Variants in PBX1 observed in about 807,000 individuals in gnomAD.
PBX1 encodes the protein pre-B-cell leukemia transcription factor 1.
In PBX1, 6 loss-of-function variants were observed where a neutral mutation model predicts 53.4. The ratio of observed to expected loss-of-function variants is 0.11; its 90% confidence interval spans 0.06 to 0.22. The LOEUF (loss-of-function observed/expected upper bound fraction) is 0.22. Ranked by LOEUF, PBX1 falls within the 10% of genes least tolerant of loss-of-function variation. The pLI, the probability that PBX1 is intolerant of heterozygous loss-of-function variation, is 1.00. For synonymous variants in PBX1, 204 were observed against 212.3 expected (o/e 0.96, Z 0.34); for missense variants, 251 against 551.4 (o/e 0.46, Z 5.46).
At chr1:164,843,489 G>A (rs1475804536) in intron 8 of PBX1, among the ~76,000 whole-genome samples, 1 of 152,080 alleles carries the variant, frequency 6.6e-6, no homozygotes, top group African/African-American at 2.4e-5. Flanking sequence ...AACTGGGATG[G>A]ATGGTCACCA....
At chr1:164,563,180 T>C in intron 1 of PBX1, 58 bp from the exon 2 acceptor site, 1 of 1,173,862 alleles carries the variant, frequency 8.5e-7, no homozygotes, top group South Asian at 1.3e-5. Context: ...CCCTGTGCAT[T>C]ATCGGCAGTT....
intron 2 of PBX1, among the ~76,000 whole-genome samples, chr1:164,614,391 T>C (rs1038047595): frequency 6.6e-6 from 1 of 152,186 alleles, no homozygotes; most frequent in African/African-American, 2.4e-5. Flanking sequence ...TCTGAATTTC[T>C]GGTTCACTCC....
intron 2 of PBX1, among the ~76,000 whole-genome samples, chr1:164,745,545 T>G (rs1340326771): frequency 6.6e-6 from 1 of 152,208 alleles, no homozygotes; most frequent in Non-Finnish European, 1.5e-5. Context: ...GTAAAGTGAT[T>G]TGAGGTCTTC....
chr1:164,800,549 A>G (rs2102321482), intron 4 of PBX1, among the ~76,000 whole-genome samples: 1 of 152,300 alleles, frequency 6.6e-6, no homozygotes, highest in African/African-American at 2.4e-5. Context: ...GAAGACAAGA[A>G]CTGAGAACAC....
intron 2 of PBX1, among the ~76,000 whole-genome samples, chr1:164,781,329 C>T (rs1667923590): frequency 1.3e-5 from 2 of 152,136 alleles, no homozygotes; most frequent in Non-Finnish European, 2.9e-5. Context: ...AAGTAGGGTG[C>T]ATTGGGATCT....
Position 164,559,879 on chromosome 1 carries a change from C to A in PBX1, c.57C>A (p.His19Gln), listed in dbSNP as rs763090532. 8 of 1,550,680 alleles carry A rather than the reference C, an allele frequency of 5.2e-6. No homozygotes were observed. The highest frequency in any genetic ancestry group is 7.0e-6 in the Non-Finnish European group (8 of 1,146,800). The stretch of plus-strand genomic sequence containing the variant: ...ATGCTGGGGTCGGGATGGCCGGACA[C>A]CCCGGCCTGTCCCAGCACTTGCAGG... ...HSHAGVGMAG[H>Q]PGLSQHLQDG... Residue 19 changes from histidine to glutamine, a missense_variant, in exon 1 of 9, where the codon CAC (histidine) becomes CAA (glutamine). Coordinates refer to ENST00000420696, the MANE Select transcript of PBX1 (RefSeq NM_002585.4).
intron 2 of PBX1, among the ~76,000 whole-genome samples, chr1:164,727,216 T>TTATATATATATA (rs1306226511): frequency 6.6e-6 from 1 of 152,228 alleles, no homozygotes; most frequent in East Asian, 1.9e-4. Context: ...CTTACTTAAT[T>TTATATATATATA]TATGTATTCA....
At chr1:164,686,874 G>A (rs747225384) in intron 2 of PBX1, among the ~76,000 whole-genome samples, 23 of 151,856 alleles carry the variant, frequency 1.5e-4, no homozygotes, top group East Asian at 3.9e-4. Flanking sequence ...GGAGAATGTC[G>A]TGAACCTGGG....
Position 164,675,437 on chromosome 1 carries a change from C to T in PBX1, c.265+112126C>T, listed in dbSNP as rs1031129735. On this transcript the variant is annotated intron_variant, in intron 2 of 8. Transcript: ENST00000420696. ...TCAAACTAATAATAATCATGTTTGT[C>T]TGTCTTCCTAGCTCCTCTCTGGGGG... 2.0e-5 allele frequency among the ~76,000 whole-genome samples: 3 copies of T among 152,126 alleles called. No individual in the cohort carries two copies. In the East Asian group the frequency reaches 5.8e-4, roughly 29 times the overall value.
rs984174985 is a variant in PBX1 at position 164,724,989 on chromosome 1, C to T, written c.266-67505C>T. 1.6e-3 allele frequency among the ~76,000 whole-genome samples: 241 copies of T among 151,962 alleles called. 5 individuals carry two copies. Among genetic ancestry groups the T allele is most frequent in the Non-Finnish European group, 2.1e-4 (14 of 67,956 alleles). On this transcript the variant is annotated intron_variant, in intron 2 of 8. Coordinates refer to ENST00000420696, the MANE Select transcript of PBX1 (RefSeq NM_002585.4). ...ATGCCTATACAGGTGGGTCCTTTTT[C>T]GGTTTTTGAATGATGGATGCTGTGG...
intron 2 of PBX1, among the ~76,000 whole-genome samples, chr1:164,689,781 T>G (rs1662353477): frequency 6.6e-6 from 1 of 152,110 alleles, no homozygotes; most frequent in African/African-American, 2.4e-5. Context: ...CTCTTTGGTG[T>G]TTTCATTCTT....
intron 8 of PBX1, among the ~76,000 whole-genome samples, chr1:164,843,480 A>T (rs2102414138): frequency 6.6e-6 from 1 of 152,096 alleles, no homozygotes; most frequent in Non-Finnish European, 1.5e-5. Flanking sequence ...TCCTGGGCAA[A>T]CTGGGATGGA....
chr1:164,568,001 T>C (rs1653558686), intron 2 of PBX1, among the ~76,000 whole-genome samples: 1 of 152,150 alleles, frequency 6.6e-6, no homozygotes, highest in African/African-American at 2.4e-5. Context: ...GAAGGGGGCA[T>C]TACCTGCCTG....
At chr1:164,598,937 G>GGT (rs1430135119) in intron 2 of PBX1, among the ~76,000 whole-genome samples, 1 of 152,132 alleles carries the variant, frequency 6.6e-6, no homozygotes, top group Non-Finnish European at 1.5e-5. Flanking sequence ...TTATTCAACA[G>GGT]GTGTGTGGCT....
At chr1:164,872,355 T>C (rs1254506155) in intron 2 of PBX1, among the ~76,000 whole-genome samples, 2 of 152,252 alleles carry the variant, frequency 1.3e-5, no homozygotes, top group African/African-American at 4.8e-5. Flanking sequence ...CTATAGTCCC[T>C]GTTCTCTTCT....
chr1:164,661,589 G>C (rs907097665), intron 2 of PBX1, among the ~76,000 whole-genome samples: 2 of 151,942 alleles, frequency 1.3e-5, no homozygotes, highest in Non-Finnish European at 2.9e-5. Context: ...ACCATGCCTG[G>C]CAAATTTTTG....
intron 2 of PBX1, among the ~76,000 whole-genome samples, chr1:164,708,020 T>G (rs532757383): frequency 3.5e-4 from 53 of 152,292 alleles, no homozygotes; most frequent in African/African-American, 1.3e-3. Flanking sequence ...TACAGCAGAT[T>G]TGATGGCCTG....
chr1:164,655,905 G>A (rs982367724), intron 2 of PBX1, among the ~76,000 whole-genome samples: 2 of 152,150 alleles, frequency 1.3e-5, no homozygotes, highest in South Asian at 4.1e-4. Flanking sequence ...GGCTATGGCT[G>A]CCTTTGGGAT....
At chr1:164,618,307 G>GGC (rs1657435287) in intron 2 of PBX1, among the ~76,000 whole-genome samples, 1 of 146,754 alleles carries the variant, frequency 6.8e-6, no homozygotes, top group South Asian at 2.2e-4. Flanking sequence ...CGGGGGGGGG[G>GGC]GGGCACTCAA....
Sources: allele counts gnomAD v4.1 joint callset (sites outside exome capture counted in the v4.1 genomes callset), GRCh38; gene constraint gnomAD v4.1.1; transcripts MANE v1.5; gene names NCBI Gene and HGNC (gene_info 2026-07-23, HGNC 2026-07-21).